The following NAV1 variants were observed in gnomAD, a reference collection of about 807,000 sequenced individuals.
The protein encoded by NAV1 is pore membrane and/or filament interacting like protein 3.
Under a neutral mutation model 175.2 loss-of-function variants are expected in NAV1, and 18 were observed. The ratio of observed to expected loss-of-function variants is 0.10; its 90% CI spans 0.07 to 0.15. NAV1 has a LOEUF of 0.15. Among genes scored for constraint, NAV1 ranks in the 10% least tolerant of loss-of-function variants. The pLI, the probability that NAV1 is intolerant of heterozygous loss-of-function variation, is 1.00. For synonymous variants in NAV1, 897 were observed against 978.7 expected, an observed-to-expected ratio of 0.92 and a Z score of 1.56; for missense variants, 1,731 against 2,436.6, an observed-to-expected ratio of 0.71 and a Z score of 6.10.
intron 1 of NAV1, among the ~76,000 whole-genome samples, chr1:201,672,583 C>G (rs1670083944): frequency 6.6e-6 from 1 of 152,280 alleles, no homozygotes; most frequent in East Asian, 1.9e-4. Context: ...TTTTATGGGC[C>G]AGGAACCTGA....
At chr1:201,790,741 C>T (rs1294553862) in exon 13 of NAV1, 1 of 1,614,108 alleles carries the variant, frequency 6.2e-7, no homozygotes. Flanking sequence ...AAAGTGGCCA[C>T]CTTGACGTCT....
chr1:201,722,090 G>GTT (rs1179202824), intron 3 of NAV1, among the ~76,000 whole-genome samples: 13 of 152,204 alleles, frequency 8.5e-5, no homozygotes, highest in Non-Finnish European at 1.2e-4. Context: ...AAAAATTGTG[G>GTT]TTATATATAT....
chr1:201,821,505 GACACACACACACACACAC>G (rs57007517), exon 30 of NAV1: 22,940 of 144,618 alleles, frequency 0.16, 2,238 homozygotes, highest in South Asian at 0.25. Context: ...GGTTAAAACA[GACACACACACACACACAC>G]ACACACACAC....
In NAV1 at chr1:201,771,252, A is replaced by C. The variant is rs563557787; in HGVS notation, c.1227-9169A>C. ...AGACTCCGTCTCAAAAAAAAAAAAA[A>C]AAACATCTGGTGATTTGGGAGGCTG... On this transcript the variant is annotated intron_variant, in intron 3 of 29. Transcript: ENST00000367296. Among the ~76,000 whole-genome samples, 15 of 151,380 alleles carry C rather than the reference A, an allele frequency of 9.9e-5. 1 individual carries two copies. Among genetic ancestry groups the C allele is most frequent in the African/African-American group, 3.6e-4 (15 of 41,172 alleles).
At chr1:201,821,283 TGAGTATTCACATA>T (rs1192942764) in exon 30 of NAV1, 1 of 152,648 alleles carries the variant, frequency 6.6e-6, no homozygotes, top group Non-Finnish European at 1.5e-5. Context: ...TTTTCACAAA[TGAGTATTCACATA>T]TAAGAGATGA....
intron 1 of NAV1, among the ~76,000 whole-genome samples, chr1:201,553,659 T>C (rs754350695): frequency 5.1e-4 from 78 of 152,292 alleles, no homozygotes; most frequent in Admixed American, 2.1e-3. Flanking sequence ...TTCCCTCCTG[T>C]CCCTTTTGTC....
At chr1:201,540,404 C>T (rs1307092657) in intron 1 of NAV1, among the ~76,000 whole-genome samples, 1 of 152,182 alleles carries the variant, frequency 6.6e-6, no homozygotes, top group African/African-American at 2.4e-5. Context: ...CCTGTGGGCA[C>T]GTTCGTTCAC....
intron 3 of NAV1, among the ~76,000 whole-genome samples, chr1:201,779,431 A>T (rs1676162127): frequency 1.3e-5 from 1 of 79,124 alleles, no homozygotes; most frequent in Non-Finnish European, 3.6e-5. Context: ...GTCTCTACTT[A>T]AAAAAAAAAA....
rs187583392 is a variant in NAV1 at position 201,598,830 on chromosome 1, A to C, written c.-33+10181A>C. The stretch of plus-strand genomic sequence containing the variant: ...CCGGCCATGAGGAACCCGAGTCTTC[A>C]GTTTGGGGACAGAAGTAAGTGGGAG... On this transcript the variant is annotated intron_variant, in intron 2 of 33. Coordinates refer to the NAV1 transcript ENST00000685211. Among the ~76,000 whole-genome samples the C allele has an allele frequency of 4.2e-4, 64 of 152,250 alleles. 1 individual carries two copies. The highest frequency in any genetic ancestry group is 1.5e-3 in the African/African-American group (61 of 41,540).
At chr1:201,702,423 A>G (rs902243143) in intron 1 of NAV1, among the ~76,000 whole-genome samples, 5 of 151,926 alleles carry the variant, frequency 3.3e-5, no homozygotes, top group African/African-American at 9.7e-5. Context: ...CTGGAGTGCA[A>G]TGGTGCGATC....
At chr1:201,749,646 AAAAG>A (rs1401545271) in intron 3 of NAV1, among the ~76,000 whole-genome samples, 60 of 152,368 alleles carry the variant, frequency 3.9e-4, no homozygotes, top group Middle Eastern at 3.4e-3. Flanking sequence ...TATGAGCATA[AAAAG>A]AAAGTTGTTT....
At chr1:201,624,029 G>A (rs912727141) in intron 1 of NAV1, among the ~76,000 whole-genome samples, 11 of 152,194 alleles carry the variant, frequency 7.2e-5, no homozygotes, top group African/African-American at 2.4e-4. Context: ...AACTCTATTG[G>A]CTTGGGCACT....
rs1673342253 is a variant in NAV1, at chr1:201,740,413, G to C, written c.1226+21658G>C. Among the ~76,000 whole-genome samples the C allele has an allele frequency of 6.6e-6, 1 of 152,204 alleles. No homozygotes were observed. Among genetic ancestry groups the C allele is most frequent in the Non-Finnish European group, 1.5e-5 (1 of 68,044 alleles). On this transcript the variant is annotated intron_variant, in intron 3 of 29. Coordinates refer to ENST00000367296, the Ensembl canonical transcript of NAV1. This position sits in a 1 kb window ranked among gnomAD's most constrained non-coding sequence, Gnocchi z 4.7. The stretch of plus-strand genomic sequence containing the variant: ...CGGAGCTGAGACAATAGCGCAACTT[G>C]ATTGAACTTCGATGGTTGCGGCTGT...
intron 1 of NAV1, among the ~76,000 whole-genome samples, chr1:201,690,535 G>C (rs1670873649): frequency 6.6e-6 from 1 of 151,132 alleles, no homozygotes; most frequent in South Asian, 2.1e-4. Context: ...TCCATGGCCT[G>C]TCCGTGGCAG....
At chr1:201,794,744 C>T (rs1372950028) in intron 15 of NAV1, 167 bp downstream of exon 19, 6 of 656,376 alleles carry the variant, frequency 9.1e-6, no homozygotes, top group South Asian at 3.8e-5. Flanking sequence ...GTGAGGAGTA[C>T]CAGGGGCATG....
chr1:201,663,210 C>T (rs866370964), intron 1 of NAV1, among the ~76,000 whole-genome samples: 4 of 152,336 alleles, frequency 2.6e-5, no homozygotes, highest in Middle Eastern at 3.4e-3. Flanking sequence ...CAGAAGTTGC[C>T]TTTGGCAAAG....
chr1:201,570,191 T>G (rs1410098084), intron 1 of NAV1, among the ~76,000 whole-genome samples: 1 of 152,180 alleles, frequency 6.6e-6, no homozygotes, highest in Non-Finnish European at 1.5e-5. Flanking sequence ...CCCCACCTGG[T>G]TGGAGCCCAT....
intron 1 of NAV1, among the ~76,000 whole-genome samples, chr1:201,705,627 G>A (rs1671635460): frequency 6.6e-6 from 1 of 152,184 alleles, no homozygotes; most frequent in South Asian, 2.1e-4. Flanking sequence ...TGTGACTTAA[G>A]TGGGGGAACG....
At position 201,740,153 on chromosome 1, in the gene NAV1, C is replaced by A. The variant is rs1256377623; in HGVS notation, c.1226+21398C>A. 27 of 1,202,398 alleles carry A rather than the reference C, an allele frequency of 2.2e-5. No homozygotes were observed. The highest frequency in any genetic ancestry group is 6.8e-6 in the Non-Finnish European group (6 of 888,308). The allele number at this position is 1,202,398 out of a possible 1,614,324, so 74.5% of individuals were successfully genotyped here. A position where few individuals can be genotyped will look rare whatever the true frequency, so the allele number is the denominator to read the frequency against. ...GGGTTTGTGGCACCCCCAGCCCCGCCGCAGCCCCCCAGTTCCGCCGCAGCT... is the reference window on the plus strand; with the variant it reads ...GGGTTTGTGGCACCCCCAGCCCCGCAGCAGCCCCCCAGTTCCGCCGCAGCT... On this transcript the variant is annotated intron_variant, in intron 3 of 29. Coordinates refer to ENST00000367296, the Ensembl canonical transcript of NAV1. This position sits in a 1 kb window ranked among gnomAD's most constrained non-coding sequence, Gnocchi z 4.7.
Sources: allele counts gnomAD v4.1 joint callset (sites outside exome capture counted in the v4.1 genomes callset), GRCh38; gene constraint gnomAD v4.1.1; non-coding constraint Gnocchi (gnomAD v3.1); transcripts MANE v1.5; gene names NCBI Gene and HGNC (gene_info 2026-07-23, HGNC 2026-07-21).